MAP2: variants seen among roughly 807,000 people sequenced by gnomAD.
MAP2 encodes the protein microtubule associated protein 2.
In MAP2, 14 loss-of-function variants were observed where a neutral mutation model predicts 137.6. The ratio of observed to expected loss-of-function variants is 0.10; its 90% CI spans 0.07 to 0.16. The LOEUF (loss-of-function observed/expected upper bound fraction) is 0.16. Among genes scored for constraint, MAP2 ranks in the 10% least tolerant of loss-of-function variants. The pLI, the probability that MAP2 is intolerant of heterozygous loss-of-function variation, is 1.00. For synonymous variants in MAP2, 786 were observed against 782.3 expected, an observed-to-expected ratio of 1.00 and a Z score of -0.08; for missense variants, 2,088 against 2,191.5, an observed-to-expected ratio of 0.95 and a Z score of 0.94.
At chr2:209,613,470 G>C (rs1489074569) in intron 3 of MAP2, among the ~76,000 whole-genome samples, 1 of 152,112 alleles carries the variant, frequency 6.6e-6, no homozygotes, top group Non-Finnish European at 1.5e-5. Context: ...CTTCCTTAGA[G>C]CCAAAGCCCC....
At chr2:209,451,998 C>G (rs1319265584) in intron 1 of MAP2, among the ~76,000 whole-genome samples, 1 of 152,184 alleles carries the variant, frequency 6.6e-6, no homozygotes, top group Non-Finnish European at 1.5e-5. Flanking sequence ...TCATCTTTCT[C>G]TCTTTTCAAT....
chr2:209,532,187 G>C (rs2065211172), intron 2 of MAP2, among the ~76,000 whole-genome samples: 1 of 149,260 alleles, frequency 6.7e-6, no homozygotes, highest in Non-Finnish European at 1.5e-5. Flanking sequence ...GCAGTGAGCT[G>C]TGATAGCATC....
intron 1 of MAP2, among the ~76,000 whole-genome samples, chr2:209,471,143 C>G (rs1705610050): frequency 6.6e-6 from 1 of 152,166 alleles, no homozygotes; most frequent in Admixed American, 6.5e-5. Flanking sequence ...CATTTTACCT[C>G]AAATACACCA....
At chr2:209,664,875 G>A (rs531480927) in intron 5 of MAP2, among the ~76,000 whole-genome samples, 1 of 146,570 alleles carries the variant, frequency 6.8e-6, no homozygotes, top group South Asian at 2.2e-4. Flanking sequence ...CAGGAGAATC[G>A]CTTGAACCCA....
chr2:209,686,085 G>A (rs2056907252), intron 7 of MAP2, among the ~76,000 whole-genome samples: 1 of 152,286 alleles, frequency 6.6e-6, no homozygotes, highest in African/African-American at 2.4e-5. Flanking sequence ...AATATGAATG[G>A]CTAGGACATG....
chr2:209,648,804 GA>G (rs1005099611), intron 4 of MAP2, among the ~76,000 whole-genome samples: 1 of 142,686 alleles, frequency 7.0e-6, no homozygotes, highest in African/African-American at 2.7e-5. Context: ...AAAAAAAAAA[GA>G]AAGAAAGAAA....
At chr2:209,617,130 C>T (rs976973901) in intron 3 of MAP2, among the ~76,000 whole-genome samples, 8 of 151,998 alleles carry the variant, frequency 5.3e-5, no homozygotes, top group African/African-American at 1.9e-4. Context: ...GAAAAGAGGG[C>T]TCTGGTTTCT....
intron 4 of MAP2, among the ~76,000 whole-genome samples, chr2:209,638,574 T>C (rs2093752938): frequency 6.6e-6 from 1 of 152,144 alleles, no homozygotes; most frequent in Admixed American, 6.6e-5. Context: ...AAACTAGTAT[T>C]TAACATAATT....
intron 4 of MAP2, among the ~76,000 whole-genome samples, chr2:209,636,241 T>G (rs1184095241): frequency 6.6e-6 from 1 of 152,048 alleles, no homozygotes; most frequent in Admixed American, 6.6e-5. Flanking sequence ...AAAGCTTGAG[T>G]CATTTACAAC....
intron 3 of MAP2, among the ~76,000 whole-genome samples, chr2:209,606,114 TA>T (rs1180747525): frequency 6.6e-6 from 1 of 152,088 alleles, no homozygotes; most frequent in African/African-American, 2.4e-5. Flanking sequence ...ATGTGTAAAA[TA>T]ATCTTCCTCA....
At chr2:209,575,763 C>G (rs2075278771) in intron 2 of MAP2, among the ~76,000 whole-genome samples, 1 of 152,042 alleles carries the variant, frequency 6.6e-6, no homozygotes, top group African/African-American at 2.4e-5. Flanking sequence ...CTTTGGATAC[C>G]AGTGTCCCAA....
At chr2:209,592,882 C>T (rs1186200539) in intron 3 of MAP2, among the ~76,000 whole-genome samples, 1 of 152,048 alleles carries the variant, frequency 6.6e-6, no homozygotes, top group African/African-American at 2.4e-5. Context: ...TTAGGGTATT[C>T]CTAATGATAA....
chr2:209,620,786 A>G (rs1291095614), intron 3 of MAP2, among the ~76,000 whole-genome samples: 2 of 152,212 alleles, frequency 1.3e-5, no homozygotes, highest in East Asian at 3.8e-4. Flanking sequence ...GAATTGCTCA[A>G]AATCTTGGTA....
intron 2 of MAP2, among the ~76,000 whole-genome samples, chr2:209,533,442 AT>A (rs2065454415): frequency 6.6e-6 from 1 of 152,116 alleles, no homozygotes; most frequent in African/African-American, 2.4e-5. Context: ...GTTTTTAAAT[AT>A]TGTTTTTTCT....
In MAP2 at chr2:209,587,549, G is replaced by A. The variant is rs569741507; in HGVS notation, c.-107+7449G>A. 2.6e-5 allele frequency among the ~76,000 whole-genome samples: 4 copies of A among 152,202 alleles called. No homozygotes were observed. The South Asian group carries it at 6.2e-4, about 24-fold the overall frequency. On this transcript the variant is annotated intron_variant, in intron 3 of 15. Coordinates refer to ENST00000682079, the MANE Select transcript of MAP2 (RefSeq NM_001375505.1). ...AAGCCTTGACAGACTCTGTCAGGAG[G>A]AATGTTACCTTTCTGCCTCCAGTGC...
At chr2:209,623,797 T>A (rs1257807350) in intron 3 of MAP2, among the ~76,000 whole-genome samples, 2 of 152,172 alleles carry the variant, frequency 1.3e-5, no homozygotes, top group Non-Finnish European at 2.9e-5. Context: ...CGGTCAGACC[T>A]TTCTTTTTAA....
intron 2 of MAP2, among the ~76,000 whole-genome samples, chr2:209,556,389 G>A (rs1215466552): frequency 1.3e-5 from 2 of 151,980 alleles, no homozygotes; most frequent in East Asian, 3.9e-4. Context: ...CCATTTATTT[G>A]CTCCGTTGCC....
At chr2:209,649,337 A>T (rs1000747152) in intron 4 of MAP2, among the ~76,000 whole-genome samples, 1 of 152,056 alleles carries the variant, frequency 6.6e-6, no homozygotes, top group African/African-American at 2.4e-5. Context: ...TTAATTGCAC[A>T]TTCACATGGT....
intron 2 of MAP2, among the ~76,000 whole-genome samples, chr2:209,541,857 C>G (rs2067105071): frequency 6.6e-6 from 1 of 152,182 alleles, no homozygotes; most frequent in South Asian, 2.1e-4. Flanking sequence ...TCTTGAACCC[C>G]TCAAAGTCAT....
Sources: gnomAD v4.1 joint callset for allele counts (sites outside exome capture counted in the v4.1 genomes callset) on GRCh38, gnomAD v4.1.1 for gene constraint, MANE v1.5 for transcripts, NCBI Gene and HGNC (gene_info 2026-07-23, HGNC 2026-07-21) for gene names.